Variants in ZNF684 observed in about 807,000 individuals in gnomAD.
The protein encoded by ZNF684 is zinc finger protein 684.
In ZNF684, 13 loss-of-function variants were observed where a neutral mutation model predicts 12.8. The ratio of observed to expected loss-of-function variants is 1.02; its 90% CI spans 0.66 to 1.62. The LOEUF (loss-of-function observed/expected upper bound fraction) is 1.62, where lower values mean the gene tolerates loss of function less well. Among genes scored for constraint, ZNF684 ranks in the 40% most tolerant of loss-of-function variants. ZNF684 has a pLI of 0.00. For synonymous variants in ZNF684, 118 were observed against 151.8 expected (o/e 0.78, Z 1.64); for missense variants, 384 against 446.9 (o/e 0.86, Z 1.27).
Position 40,533,144 on chromosome 1 carries a change from T to A in ZNF684, c.-23T>A, listed in dbSNP as rs1408395059. Reference sequence around the variant, plus strand: ...TCTTCCCCATTTCTACTTTCATAGATTTCTGTGTAAGAGCTGCAGAAAATG... The same window carrying A: ...TCTTCCCCATTTCTACTTTCATAGAATTCTGTGTAAGAGCTGCAGAAAATG... On this transcript the variant is annotated splice_region_variant and 5_prime_UTR_variant, in exon 2 of 5. Transcript: ENST00000372699. 1 of 1,612,978 alleles carries A rather than the reference T, an allele frequency of 6.2e-7. No individual in the cohort carries two copies.
At chr1:40,537,141 G>A (rs1645989892) in intron 2 of ZNF684, among the ~76,000 whole-genome samples, 2 of 152,114 alleles carry the variant, frequency 1.3e-5, no homozygotes, top group South Asian at 4.1e-4. Context: ...CAGTGTAAAA[G>A]TGTTCCCATT....
At chr1:40,544,138 A>G (rs1467951247) in intron 4 of ZNF684, among the ~76,000 whole-genome samples, 2 of 151,416 alleles carry the variant, frequency 1.3e-5, no homozygotes, top group African/African-American at 4.9e-5. Context: ...CTTTTTTTTC[A>G]GTATCCCTGT....
At chr1:40,540,828 C>G in intron 3 of ZNF684, 116 bp downstream of exon 3, 1 of 1,054,514 alleles carries the variant, frequency 9.5e-7, no homozygotes, top group Non-Finnish European at 1.3e-6. Flanking sequence ...AATCCCAGCA[C>G]TTTGGGAGGC....
Position 40,546,638 on chromosome 1 carries a change from C to A in ZNF684, c.315C>A (p.Leu105=), listed in dbSNP as rs1415105731. The A allele has an allele frequency of 6.2e-7, 1 of 1,600,496 alleles. No individual in the cohort carries two copies. The highest frequency in any genetic ancestry group is 1.3e-5 in the African/African-American group (1 of 74,264). ...SKDNFLKSVL[L]TFNKILTMER... ...ACAATTTTTTGAAGTCAGTTTTGCT[C>A]ACATTCAATAAAATTCTGACTATGG... is the stretch of plus-strand genomic sequence containing the variant. Residue 105 remains leucine (L), a synonymous_variant, in exon 5 of 5, where the codon CTC becomes CTA. Transcript: ENST00000372699.
In ZNF684 at chr1:40,547,567, G is replaced by A. The variant is rs1646056485; in HGVS notation, c.*107G>A. 3 of 1,096,686 alleles carry A rather than the reference G, an allele frequency of 2.7e-6. No individual in the cohort carries two copies. Among genetic ancestry groups the A allele is most frequent in the African/African-American group, 1.6e-5 (1 of 63,078 alleles). 67.9% of individuals were successfully genotyped at this position (1,096,686 alleles called of 1,614,324 possible). The stretch of plus-strand genomic sequence containing the variant: ...CTACAATTTAAATGAATTTGGAAGA[G>A]TAGATTCCCATAAAAAACAACCAAT... On this transcript the variant is annotated 3_prime_UTR_variant, in exon 5 of 5. Transcript: ENST00000372699.
At chr1:40,541,570 G>A in intron 3 of ZNF684, 45 bp from the exon 4 acceptor site, 1 of 1,518,036 alleles carries the variant, frequency 6.6e-7, no homozygotes, top group Non-Finnish European at 9.1e-7. Context: ...CTGGTTGTTT[G>A]CCTAGCACTT....
rs577079122 is a variant in ZNF684 at position 40,532,836 on chromosome 1, A to G, written c.-24-307A>G. ...GAGTCAACTCATTCATTATTTCTTC[A>G]GGATAAATTTCTGGGAGGAAAAAAA... is the stretch of plus-strand genomic sequence containing the variant. On this transcript the variant is annotated intron_variant, in intron 1 of 4. Transcript: ENST00000372699. Among the ~76,000 whole-genome samples, 318 of 152,284 alleles carry G rather than the reference A, an allele frequency of 2.1e-3. 4 individuals carry two copies. Among genetic ancestry groups the G allele is most frequent in the African/African-American group, 7.5e-3 (312 of 41,550 alleles).
At chr1:40,535,020 T>G (rs1321199074) in intron 2 of ZNF684, among the ~76,000 whole-genome samples, 1 of 152,176 alleles carries the variant, frequency 6.6e-6, no homozygotes, top group Non-Finnish European at 1.5e-5. Flanking sequence ...ATGTTGAATT[T>G]ATATCCAGCC....
rs192355548 is a variant in ZNF684 at position 40,534,791 on chromosome 1, A to C, written c.15+1610A>C. ...GAGGATTGCTTGAGGCCAGGAGTTC[A>C]AGACCAGCCTGGGCAATATAGCAAG... On this transcript the variant is annotated intron_variant, in intron 2 of 4. Transcript: ENST00000372699. 1.4e-3 allele frequency among the ~76,000 whole-genome samples: 212 copies of C among 151,690 alleles called. 1 individual carries two copies. The highest frequency in any genetic ancestry group is 4.7e-3 in the African/African-American group (196 of 41,394).
intron 2 of ZNF684, among the ~76,000 whole-genome samples, chr1:40,537,689 G>A (rs2124508210): frequency 6.6e-6 from 1 of 151,986 alleles, no homozygotes; most frequent in African/African-American, 2.4e-5. Context: ...GCCACAGTGA[G>A]CCAAGATCAC....
chr1:40,540,197 A>C (rs1293010114), intron 2 of ZNF684, among the ~76,000 whole-genome samples: 1 of 152,026 alleles, frequency 6.6e-6, no homozygotes, highest in East Asian at 1.9e-4. Flanking sequence ...GTCACAAAAA[A>C]CTTTTTTTCT....
At chr1:40,534,561 G>A (rs918924265) in intron 2 of ZNF684, among the ~76,000 whole-genome samples, 1 of 151,734 alleles carries the variant, frequency 6.6e-6, no homozygotes, top group African/African-American at 2.4e-5. Context: ...AATTTTATAG[G>A]TTTTATAAGT....
Position 40,546,656 on chromosome 1 carries a change from G to T in ZNF684, c.333G>T (p.Leu111=), listed in dbSNP as rs2124513312. 6.2e-7 allele frequency: 1 copy of T among 1,604,368 alleles called. No homozygotes were observed. Residue 111 remains leucine (L), a synonymous_variant, in exon 5 of 5, where the codon CTG becomes CTT. Coordinates refer to ENST00000372699, the MANE Select transcript of ZNF684 (RefSeq NM_152373.4). ...TTTTGCTCACATTCAATAAAATTCT[G>T]ACTATGGAGAGAATCCACCATTATA... ...KSVLLTFNKI[L]TMERIHHYNM...
chr1:40,540,012 C>G (rs1009111671), intron 2 of ZNF684, among the ~76,000 whole-genome samples: 4 of 152,096 alleles, frequency 2.6e-5, no homozygotes, highest in Admixed American at 2.6e-4. Flanking sequence ...ATACAAGCCT[C>G]TTATCAGATA....
chr1:40,543,113 C>T (rs752785922), intron 4 of ZNF684, among the ~76,000 whole-genome samples: 25 of 152,182 alleles, frequency 1.6e-4, no homozygotes, highest in Non-Finnish European at 2.9e-4. Flanking sequence ...AAGCAAGTCT[C>T]CTGCCTCAGC....
intron 4 of ZNF684, among the ~76,000 whole-genome samples, chr1:40,545,966 A>G (rs1646044924): frequency 8.4e-6 from 1 of 119,158 alleles, no homozygotes; most frequent in African/African-American, 3.4e-5. Flanking sequence ...CTCCATCACC[A>G]GGCTGGAGTA....
rs966906835 is a variant in ZNF684 at position 40,546,948 on chromosome 1, C to A, written c.625C>A (p.His209Asn). The change falls in exon 5 of 5, where the codon CAT becomes AAT. Residue 209 changes from histidine to asparagine, a missense_variant. Physicochemically the swap from His to Asn is moderately conservative, Grantham distance 68. Coordinates refer to ENST00000372699, the MANE Select transcript of ZNF684 (RefSeq NM_152373.4). ...KAHLATHQKI[H>N]NGERPFVCND... is the part of the protein sequence containing the mutation. ...ACACCTTGCAACTCATCAGAAAATT[C>A]ATAATGGAGAGAGACCCTTTGTGTG... is the stretch of plus-strand genomic sequence containing the variant. 3 of 1,613,998 alleles carry A rather than the reference C, an allele frequency of 1.9e-6. No individual in the cohort carries two copies. The highest frequency in any genetic ancestry group is 2.5e-6 in the Non-Finnish European group (3 of 1,180,012).
At chr1:40,537,052 T>C (rs932373817) in intron 2 of ZNF684, among the ~76,000 whole-genome samples, 11 of 152,186 alleles carry the variant, frequency 7.2e-5, no homozygotes, top group African/African-American at 2.4e-5. Context: ...CTGGGTCAAA[T>C]GGTATTTCTA....
Position 40,547,121 on chromosome 1 carries a change from A to C in ZNF684, c.798A>C (p.Thr266=). 1 of 1,614,222 alleles carries C rather than the reference A, an allele frequency of 6.2e-7. No individual in the cohort carries two copies. The highest frequency in any genetic ancestry group is 8.5e-7 in the Non-Finnish European group (1 of 1,180,024). Residue 266 remains threonine (T), a synonymous_variant, in exon 5 of 5, where the codon ACA becomes ACC. Coordinates refer to ENST00000372699, the MANE Select transcript of ZNF684 (RefSeq NM_152373.4). ...SSFNQHVKSH[T]LEKSFECKEC... is the part of the protein sequence containing the mutation. ...TTAATCAACACGTGAAATCTCATAC[A>C]CTTGAGAAGTCATTTGAATGTAAGG...
Sources: gnomAD v4.1 joint callset for allele counts (sites outside exome capture counted in the v4.1 genomes callset) on GRCh38, gnomAD v4.1.1 for gene constraint, MANE v1.5 for transcripts, NCBI Gene and HGNC (gene_info 2026-07-23, HGNC 2026-07-21) for gene names.